Variants in SEPTIN7 observed in about 807,000 individuals in gnomAD.
The protein encoded by SEPTIN7 is septin 7.
Under a neutral mutation model 63.3 loss-of-function variants are expected in SEPTIN7, and 10 were observed. That is an observed-to-expected ratio of 0.16 (90% CI 0.10 to 0.27). The LOEUF is 0.27. SEPTIN7 is among the 10% of genes least tolerant of loss of function. SEPTIN7 has a pLI of 1.00. For missense variants in SEPTIN7, 310 were observed against 521.0 expected (o/e 0.59, Z 3.94); for synonymous variants, 131 against 165.3 (o/e 0.79, Z 1.59).
rs1293964974 is a variant in SEPTIN7 at position 35,904,852 on chromosome 7, A to G, written c.*559A>G. 1 of 150,770 alleles carries G rather than the reference A, an allele frequency of 6.6e-6. No homozygotes were observed. Among genetic ancestry groups the G allele is most frequent in the Non-Finnish European group, 1.5e-5 (1 of 67,720 alleles). The allele number at this position is 150,770 out of a possible 1,614,324, so 9.3% of individuals were successfully genotyped here. A position where few individuals can be genotyped will look rare whatever the true frequency, so the allele number is the denominator to read the frequency against. On this transcript the variant is annotated 3_prime_UTR_variant, in exon 14 of 14. Coordinates refer to ENST00000350320, the MANE Select transcript of SEPTIN7 (RefSeq NM_001788.6). ...CTTACTGTGCACCTAGAGCTTTTTT[A>G]TAACAACGTCTTTTTGTTTGTTTGT...
chr7:35,810,396 T>C (rs1788614657), intron 1 of SEPTIN7, among the ~76,000 whole-genome samples: 1 of 151,362 alleles, frequency 6.6e-6, no homozygotes, highest in Non-Finnish European at 1.5e-5. Flanking sequence ...CGATCTCAGC[T>C]CATTGCCAGC....
chr7:35,908,983 T>G (rs1788689356), downstream of SEPTIN7, among the ~76,000 whole-genome samples: 1 of 152,252 alleles, frequency 6.6e-6, no homozygotes. Flanking sequence ...GTGTCTTGGA[T>G]AAGCCAGTAG....
chr7:35,814,352 A>G (rs988515091), intron 1 of SEPTIN7, among the ~76,000 whole-genome samples: 2 of 152,100 alleles, frequency 1.3e-5, no homozygotes, highest in African/African-American at 2.4e-5. Flanking sequence ...TGTAATTTTA[A>G]TTTGTATTTT....
At chr7:35,900,119 T>C (rs1788229395) in intron 12 of SEPTIN7, 1 of 152,242 alleles carries the variant, frequency 6.6e-6, no homozygotes, top group Non-Finnish European at 1.5e-5. Context: ...AACAAAAGTA[T>C]GCTAATCCAT....
chr7:35,804,912 C>G (rs1172717913), intron 1 of SEPTIN7, among the ~76,000 whole-genome samples: 1 of 149,772 alleles, frequency 6.7e-6, no homozygotes, highest in Non-Finnish European at 1.5e-5. Context: ...TCTTGGCTCA[C>G]CGCAACCTCT....
chr7:35,912,928 G>A, the SEPTIN7 span, among the ~76,000 whole-genome samples: 1 of 152,174 alleles, frequency 6.6e-6, no homozygotes, highest in Non-Finnish European at 1.5e-5. Context: ...TGGCATTATT[G>A]CCATCATTTT....
At chr7:35,805,797 T>C (rs530495828) in intron 1 of SEPTIN7, among the ~76,000 whole-genome samples, 1 of 152,364 alleles carries the variant, frequency 6.6e-6, no homozygotes, top group East Asian at 1.9e-4. Flanking sequence ...AAGATGATAT[T>C]CTTCCTCCTT....
At chr7:35,880,223 C>CTTTTTTTTTTTTTTTTTTTTTTTTTT in intron 7 of SEPTIN7, among the ~76,000 whole-genome samples, 388 of 72,796 alleles carry the variant, frequency 5.3e-3, no homozygotes, top group Non-Finnish European at 5.9e-3. Flanking sequence ...TTTTTCTTTT[C>CTTTTTTTTTTTTTTTTTTTTTTTTTT]TTTTTTTTTT....
At chr7:35,875,589 T>C (rs1674423645) in intron 6 of SEPTIN7, among the ~76,000 whole-genome samples, 1 of 152,212 alleles carries the variant, frequency 6.6e-6, no homozygotes, top group Non-Finnish European at 1.5e-5. Flanking sequence ...GCATGGCTAA[T>C]GTATGATTTC....
At chr7:35,801,361 C>A (rs1379055820) in intron 1 of SEPTIN7, 91 bp downstream of exon 1, 5 of 1,430,126 alleles carry the variant, frequency 3.5e-6, no homozygotes, top group Non-Finnish European at 4.6e-6. Context: ...AGGGAACGCC[C>A]TGAGGCGAGG....
chr7:35,812,915 C>T (rs1788820032), intron 1 of SEPTIN7, among the ~76,000 whole-genome samples: 1 of 152,164 alleles, frequency 6.6e-6, no homozygotes, highest in South Asian at 2.1e-4. Flanking sequence ...TAATTCCCTA[C>T]TTCTAGACTG....
Position 35,802,791 on chromosome 7 carries a change from A to G in SEPTIN7, c.61+1521A>G, listed in dbSNP as rs544074405. ...TTCTTCAGACTGCAAGGGAATGAGT[A>G]AGGGGTGGTTGGGTGGTGATGGGGG... On this transcript the variant is annotated intron_variant, in intron 1 of 13. Transcript: ENST00000350320. 4.6e-5 allele frequency among the ~76,000 whole-genome samples: 7 copies of G among 152,184 alleles called. No homozygotes were observed. In the East Asian group the frequency reaches 1.2e-3, roughly 25 times the overall value.
chr7:35,894,578 GA>G (rs1787847661), intron 11 of SEPTIN7, among the ~76,000 whole-genome samples: 1 of 152,006 alleles, frequency 6.6e-6, no homozygotes, highest in Non-Finnish European at 1.5e-5. Context: ...ATAGTAGTTG[GA>G]AGTTTTGTTT....
At chr7:35,809,019 A>G (rs1451654525) in intron 1 of SEPTIN7, among the ~76,000 whole-genome samples, 1 of 152,226 alleles carries the variant, frequency 6.6e-6, no homozygotes, top group Non-Finnish European at 1.5e-5. Flanking sequence ...CATTGTCATT[A>G]TATCAATAAT....
rs1213243477 is a variant in SEPTIN7 at position 35,807,339 on chromosome 7, A to G, written c.61+6069A>G. On this transcript the variant is annotated intron_variant, in intron 1 of 13. Coordinates refer to ENST00000350320, the MANE Select transcript of SEPTIN7 (RefSeq NM_001788.6). ...GCTGGGATTACAGGCATGTGCCACC[A>G]TGCCCGGCTGAATTTTTTTTTTTTT... 3.1e-5 allele frequency among the ~76,000 whole-genome samples: 4 copies of G among 127,814 alleles called. No homozygotes were observed. In the East Asian group the frequency reaches 6.8e-4, roughly 22 times the overall value. 83.9% of individuals were successfully genotyped at this position (127,814 alleles called of 152,430 possible). A position where few individuals can be genotyped will look rare whatever the true frequency, so the allele number is the denominator to read the frequency against.
intron 8 of SEPTIN7, among the ~76,000 whole-genome samples, chr7:35,883,232 C>G (rs1468302791): frequency 1.3e-5 from 2 of 152,030 alleles, no homozygotes; most frequent in Non-Finnish European, 2.9e-5. Context: ...AACATATTTT[C>G]TGTATTTTAT....
intron 1 of SEPTIN7, among the ~76,000 whole-genome samples, chr7:35,829,145 T>TTTTTTTTG (rs1783684268): frequency 7.2e-6 from 1 of 139,110 alleles, no homozygotes; most frequent in East Asian, 2.0e-4. Context: ...TTTTTTTTTT[T>TTTTTTTTG]TTTTTTTGGA....
At chr7:35,873,877 C>T (rs1049877153) in intron 6 of SEPTIN7, 102 bp downstream of exon 6, 1 of 1,098,834 alleles carries the variant, frequency 9.1e-7, no homozygotes, top group African/African-American at 1.6e-5. Flanking sequence ...GTACACACAA[C>T]TATAGCCATT....
intron 4 of SEPTIN7, among the ~76,000 whole-genome samples, chr7:35,865,302 C>A (rs761729005): frequency 6.6e-6 from 1 of 152,154 alleles, no homozygotes; most frequent in African/African-American, 2.4e-5. Context: ...TCTGTGTGCT[C>A]ACTGTCATTC....
Sources: gnomAD v4.1 joint callset for allele counts (sites outside exome capture counted in the v4.1 genomes callset) on GRCh38, gnomAD v4.1.1 for gene constraint, MANE v1.5 for transcripts, NCBI Gene and HGNC (gene_info 2026-07-23, HGNC 2026-07-21) for gene names.